Variants in KCNIP4 observed in about 807,000 individuals in gnomAD.
The protein encoded by KCNIP4 is Kv channel-interacting protein 4.
Under a neutral mutation model 34.0 loss-of-function variants are expected in KCNIP4, and 12 were observed. The ratio of observed to expected loss-of-function variants is 0.35; its 90% CI spans 0.23 to 0.57. KCNIP4 has a LOEUF of 0.57. KCNIP4 is among the 20% of genes least tolerant of loss of function. The pLI is 0.83. For missense variants in KCNIP4, 238 were observed against 311.7 expected (o/e 0.76, Z 1.78); for synonymous variants, 124 against 102.2 (o/e 1.21, Z -1.29).
At chr4:21,085,864 A>G (rs545910189) in intron 1 of KCNIP4, among the ~76,000 whole-genome samples, 1 of 152,318 alleles carries the variant, frequency 6.6e-6, no homozygotes, top group South Asian at 2.1e-4. Flanking sequence ...ATCATCCAGA[A>G]AGATAAGGCA....
rs373454994 is a variant in KCNIP4, at chr4:20,953,913, G to A, written c.62-71204C>T. On this transcript the variant is annotated intron_variant, in intron 1 of 8. Coordinates refer to ENST00000382152, the MANE Select transcript of KCNIP4 (RefSeq NM_025221.6). Reference sequence around the variant, plus strand: ...AATGTAATTTAGCCTTTGCCCTACTGAGAGTGGGCCATGCAGGTTAGCAAG... The same window carrying A: ...AATGTAATTTAGCCTTTGCCCTACTAAGAGTGGGCCATGCAGGTTAGCAAG... 5.3e-5 allele frequency among the ~76,000 whole-genome samples: 8 copies of A among 152,276 alleles called. No individual in the cohort carries two copies. The South Asian group carries it at 6.2e-4, about 12-fold the overall frequency.
intron 1 of KCNIP4, among the ~76,000 whole-genome samples, chr4:21,124,467 C>T (rs1475743537): frequency 1.3e-5 from 2 of 152,182 alleles, no homozygotes; most frequent in Non-Finnish European, 1.5e-5. Context: ...GAAAATGAGT[C>T]GTTTGTCTTA....
chr4:21,055,157 T>C (rs1438917269), intron 1 of KCNIP4, among the ~76,000 whole-genome samples: 1 of 152,120 alleles, frequency 6.6e-6, no homozygotes, highest in Non-Finnish European at 1.5e-5. Context: ...GGAAATAGCA[T>C]ATGAAAAGAT....
In KCNIP4 at chr4:20,996,811, A is replaced by T. The variant is rs553280892; in HGVS notation, c.62-114102T>A. Among the ~76,000 whole-genome samples, 6 of 151,660 alleles carry T rather than the reference A, an allele frequency of 4.0e-5. No homozygotes were observed. In the South Asian group the frequency reaches 1.3e-3, roughly 32 times the overall value. The stretch of plus-strand genomic sequence containing the variant: ...GCACGTTCATTTCCTATCTCATCCC[A>T]CTTGTGTAGATGCTCCTCACATGTG... On this transcript the variant is annotated intron_variant, in intron 1 of 8. Coordinates refer to ENST00000382152, the MANE Select transcript of KCNIP4 (RefSeq NM_025221.6).
chr4:21,770,371 T>C (rs181521704), intron 1 of KCNIP4, among the ~76,000 whole-genome samples: 16 of 152,284 alleles, frequency 1.1e-4, no homozygotes, highest in African/African-American at 3.6e-4. Context: ...CTATCATTGA[T>C]GGGTATTTGG....
intron 1 of KCNIP4, among the ~76,000 whole-genome samples, chr4:21,015,333 G>A (rs1739404667): frequency 6.9e-6 from 1 of 145,420 alleles, no homozygotes; most frequent in Admixed American, 7.1e-5. Context: ...GAGGTAGAGA[G>A]AGCAGATGAG....
chr4:21,754,433 T>G (rs896186824), intron 1 of KCNIP4, among the ~76,000 whole-genome samples: 2 of 152,214 alleles, frequency 1.3e-5, no homozygotes, highest in African/African-American at 4.8e-5. Context: ...TGGCTTATTA[T>G]AGGAGATGAA....
chr4:21,806,908 T>C (rs1272974393), intron 1 of KCNIP4, among the ~76,000 whole-genome samples: 1 of 152,094 alleles, frequency 6.6e-6, no homozygotes, highest in Non-Finnish European at 1.5e-5. Flanking sequence ...AAGCACATTA[T>C]ATTTATTGCA....
chr4:20,889,542 A>C (rs1434750208), intron 1 of KCNIP4, among the ~76,000 whole-genome samples: 3 of 152,150 alleles, frequency 2.0e-5, no homozygotes, highest in Non-Finnish European at 4.4e-5. Flanking sequence ...GGAGGGTGTC[A>C]GTGGAAGTCG....
At chr4:21,555,377 G>T (rs1738926966) in intron 1 of KCNIP4, among the ~76,000 whole-genome samples, 1 of 152,170 alleles carries the variant, frequency 6.6e-6, no homozygotes, top group Non-Finnish European at 1.5e-5. Context: ...ATAAAATGCA[G>T]TGAAAAGAGT....
intron 1 of KCNIP4, among the ~76,000 whole-genome samples, chr4:21,199,450 T>C (rs2108948828): frequency 6.6e-6 from 1 of 152,360 alleles, no homozygotes. Flanking sequence ...TTAAGTTCTT[T>C]GTAGATTCTG....
At chr4:21,296,994 G>T (rs1763875510) in intron 1 of KCNIP4, among the ~76,000 whole-genome samples, 1 of 151,528 alleles carries the variant, frequency 6.6e-6, no homozygotes, top group Non-Finnish European at 1.5e-5. Context: ...ATATGTATGT[G>T]TGTGTGTATA....
At chr4:20,755,833 G>C (rs1009690278) in intron 4 of KCNIP4, among the ~76,000 whole-genome samples, 2 of 152,144 alleles carry the variant, frequency 1.3e-5, no homozygotes, top group African/African-American at 4.8e-5. Flanking sequence ...CCCAGGAGCA[G>C]CATCATGGCT....
intron 1 of KCNIP4, among the ~76,000 whole-genome samples, chr4:21,400,502 C>G (rs1042742623): frequency 3.6e-5 from 5 of 139,564 alleles, no homozygotes; most frequent in Non-Finnish European, 6.2e-5. Context: ...CCCCTCCCTT[C>G]CCCTCCCTTC....
At chr4:21,624,261 G>A (rs569847271) in intron 1 of KCNIP4, among the ~76,000 whole-genome samples, 69 of 152,218 alleles carry the variant, frequency 4.5e-4, no homozygotes, top group Non-Finnish European at 8.5e-4. Context: ...GCTTTTGTGG[G>A]AATAGAGAAG....
At chr4:21,553,712 G>A (rs1256017620) in intron 1 of KCNIP4, among the ~76,000 whole-genome samples, 2 of 120,740 alleles carry the variant, frequency 1.7e-5, no homozygotes, top group African/African-American at 3.1e-5. Context: ...CATAGTTAAA[G>A]GATAAAATGA....
intron 1 of KCNIP4, among the ~76,000 whole-genome samples, chr4:21,318,103 T>G (rs149813216): frequency 9.2e-5 from 14 of 152,272 alleles, no homozygotes; most frequent in African/African-American, 3.1e-4. Flanking sequence ...ACTCAAACTT[T>G]CCAAACCTCT....
intron 1 of KCNIP4, among the ~76,000 whole-genome samples, chr4:21,233,936 A>G (rs1273715110): frequency 7.8e-6 from 1 of 128,390 alleles, no homozygotes; most frequent in Admixed American, 8.6e-5. Flanking sequence ...ATTATATTAT[A>G]TAAATATTAC....
At chr4:21,259,042 C>G (rs1761276726) in intron 1 of KCNIP4, among the ~76,000 whole-genome samples, 2 of 152,102 alleles carry the variant, frequency 1.3e-5, no homozygotes, top group Admixed American at 1.3e-4. Flanking sequence ...TTTCGTATTT[C>G]ACAGATGGTC....
Sources: gnomAD v4.1 joint callset for allele counts (sites outside exome capture counted in the v4.1 genomes callset) on GRCh38, gnomAD v4.1.1 for gene constraint, MANE v1.5 for transcripts, NCBI Gene and HGNC (gene_info 2026-07-23, HGNC 2026-07-21) for gene names.